Variants in IFT172 observed in about 807,000 individuals in gnomAD.
IFT172 encodes the protein intraflagellar transport 172.
Under a neutral mutation model 248.9 loss-of-function variants are expected in IFT172, and 164 were observed. The observed-to-expected ratio is 0.66, with a 90% confidence interval of 0.58 to 0.75. The LOEUF is 0.75. Ranked by LOEUF, IFT172 falls within the 30% of genes least tolerant of loss-of-function variation. The pLI, the probability that IFT172 is intolerant of heterozygous loss-of-function variation, is 0.00. For synonymous variants in IFT172, 729 were observed against 791.6 expected, an observed-to-expected ratio of 0.92 and a Z score of 1.33; for missense variants, 1,950 against 2,192.4, an observed-to-expected ratio of 0.89 and a Z score of 2.21.
intron 14 of IFT172, among the ~76,000 whole-genome samples, chr2:27,475,789 TA>T (rs1207873991): frequency 9.7e-5 from 14 of 143,608 alleles, no homozygotes; most frequent in South Asian, 8.7e-4. Context: ...TTTTTTTTTT[TA>T]AATTTAATTA....
At chr2:27,462,985 G>T in intron 19 of IFT172, 112 bp downstream of exon 19, 1 of 1,271,604 alleles carries the variant, frequency 7.9e-7, no homozygotes, top group Non-Finnish European at 1.1e-6. Flanking sequence ...AAGGTGGGGT[G>T]GGCAGGGTAA....
chr2:27,485,571 C>A, intron 1 of IFT172, 68 bp from the exon 2 acceptor site: 1 of 1,568,020 alleles, frequency 6.4e-7, no homozygotes. Context: ...TTTCTAGCTT[C>A]ATTAATTCTA....
At chr2:27,462,984 TG>T in intron 19 of IFT172, 112 bp downstream of exon 19, 2 of 1,259,744 alleles carry the variant, frequency 1.6e-6, no homozygotes, top group Non-Finnish European at 2.3e-6. Context: ...AAAGGTGGGG[TG>T]GGCAGGGTAA....
Position 27,456,505 on chromosome 2 carries a change from C to T in IFT172, c.3371+6G>A. 1.9e-6 allele frequency: 3 copies of T among 1,611,240 alleles called. No homozygotes were observed. The highest frequency in any genetic ancestry group is 2.5e-6 in the Non-Finnish European group (3 of 1,178,966). ...GGGCCCGTGGAGAGAAAGCTTGGGG[C>T]CTCACCAATTGTCTGCAGCGTGGTC... On this transcript the variant is annotated splice_donor_region_variant and intron_variant, in intron 30 of 47. Coordinates refer to ENST00000260570, the MANE Select transcript of IFT172 (RefSeq NM_015662.3).
In IFT172 at chr2:27,458,208, T is replaced by C. The variant is rs917476676; in HGVS notation, c.2893A>G (p.Met965Val). ...AGCACTGACACATCTTCTGGTCTCA[T>C]GCATTTCATCGCCAGCTGTGGAGGC... is the stretch of plus-strand genomic sequence containing the variant. ...EQAHKLAMKCMRPEDVSVLYI... is the reference protein window; with the variant it reads ...EQAHKLAMKCVRPEDVSVLYI... The change falls in exon 27 of 48, where the codon ATG becomes GTG. Residue 965 changes from methionine (M) to valine (V), a missense_variant. Met to Val is a conservative substitution (Grantham distance 21). Around this residue, in one of 3 missense-constraint regions of IFT172, gnomAD observed 1,166 missense variants for 1,254.1 expected, o/e 0.93. Transcript: ENST00000260570. The C allele has an allele frequency of 1.2e-6, 2 of 1,614,064 alleles. No individual in the cohort carries two copies. The highest frequency in any genetic ancestry group is 1.3e-5 in the African/African-American group (1 of 74,934).
intron 1 of IFT172, among the ~76,000 whole-genome samples, chr2:27,485,935 G>A (rs573071750): frequency 7.2e-5 from 11 of 152,272 alleles, no homozygotes; most frequent in South Asian, 6.2e-4. Context: ...CTGCCTCCAC[G>A]TCTAATAAGA....
At position 27,445,166 on chromosome 2, in the gene IFT172, G is replaced by A; in HGVS notation, c.5069-61C>T. 3.7e-6 allele frequency: 6 copies of A among 1,604,726 alleles called. No individual in the cohort carries two copies. Among genetic ancestry groups the A allele is most frequent in the Non-Finnish European group, 5.1e-6 (6 of 1,174,144 alleles). ...AGAGAGATTGAGGAGGGAAAAATGA[G>A]GAGCAGCCTGGGGGGTAGAAAGCAC... On this transcript the variant is annotated intron_variant, in intron 46 of 47. Coordinates refer to ENST00000260570, the MANE Select transcript of IFT172 (RefSeq NM_015662.3). This position sits in a 1 kb window ranked among gnomAD's most constrained non-coding sequence, Gnocchi z 4.4.
chr2:27,444,392 T>C lies in IFT172; in HGVS notation c.*40A>G. 7.6e-7 allele frequency: 1 copy of C among 1,309,724 alleles called. No homozygotes were observed. The highest frequency in any genetic ancestry group is 1.1e-6 in the Non-Finnish European group (1 of 915,212). The allele number at this position is 1,309,724 out of a possible 1,614,324, so 81.1% of individuals were successfully genotyped here. A position where few individuals can be genotyped will look rare whatever the true frequency, so the allele number is the denominator to read the frequency against. ...GTGGTCTCAATTATTTATAAAACTT[T>C]AATGAGGGAGAGGCCCTAACTCTTC... On this transcript the variant is annotated 3_prime_UTR_variant, in exon 48 of 48. Transcript: ENST00000260570.
rs776998100 is a variant in IFT172, at chr2:27,453,680, C to T, written c.3771G>A (p.Leu1257=). 2.2e-5 allele frequency: 36 copies of T among 1,612,620 alleles called. No homozygotes were observed. The highest frequency in any genetic ancestry group is 3.0e-5 in the Non-Finnish European group (35 of 1,179,572). The change falls in exon 34 of 48, where the codon CTG becomes CTA. Residue 1257 remains leucine, a synonymous_variant. Transcript: ENST00000260570. ...GCTCATATTCTTCCTGCAGAGCCTC[C>T]AGCTGGCTGGGCACATAGTCCTTGC... ...RICKDYVPSQ[L]EALQEEYERE... is the part of the protein sequence containing the mutation.
Position 27,453,359 on chromosome 2 carries a change from G to T in IFT172, c.3951+25C>A, listed in dbSNP as rs781485902. 5.7e-6 allele frequency: 9 copies of T among 1,570,790 alleles called. No homozygotes were observed. The African/African-American group carries it at 1.2e-4, about 21-fold the overall frequency. ...GAATAGAGGCCTAGGGAGAAGGAGGGCCAGAAAGGGCCTGCTGTCCTCACC... is the reference window on the plus strand; with the variant it reads ...GAATAGAGGCCTAGGGAGAAGGAGGTCCAGAAAGGGCCTGCTGTCCTCACC... On this transcript the variant is annotated intron_variant, in intron 35 of 47. Transcript: ENST00000260570.
At chr2:27,446,979 G>A (rs998118580) in intron 42 of IFT172, among the ~76,000 whole-genome samples, 8 of 152,152 alleles carry the variant, frequency 5.3e-5, no homozygotes, top group Admixed American at 2.0e-4. Flanking sequence ...GATTACAGGC[G>A]TGAGCCACCG....
chr2:27,448,005 A>T, intron 40 of IFT172, 83 bp from the exon 41 acceptor site: 1 of 844,238 alleles, frequency 1.2e-6, no homozygotes, highest in Non-Finnish European at 2.1e-6. Flanking sequence ...AGGGAGGAGA[A>T]ACAGGCTTTG....
chr2:27,473,231 G>T (rs971896121), intron 14 of IFT172, among the ~76,000 whole-genome samples: 2 of 150,732 alleles, frequency 1.3e-5, no homozygotes, highest in South Asian at 2.1e-4. Flanking sequence ...TTAGCTGGGC[G>T]TGGTGGCTGG....
chr2:27,451,285 T>G (rs917365326), intron 35 of IFT172, among the ~76,000 whole-genome samples: 2 of 152,196 alleles, frequency 1.3e-5, no homozygotes, highest in Admixed American at 1.3e-4. Flanking sequence ...TAATCTGCCC[T>G]GTCTGCATCA....
intron 9 of IFT172, 133 bp from the exon 10 acceptor site, chr2:27,479,737 T>C: frequency 1.4e-6 from 1 of 729,232 alleles, no homozygotes; most frequent in Non-Finnish European, 2.3e-6. Flanking sequence ...TGGCAGTTTT[T>C]GGAATTACCA....
At chr2:27,484,989 C>T (rs937829758) in intron 3 of IFT172, 29 bp downstream of exon 3, 1 of 1,252,074 alleles carries the variant, frequency 8.0e-7, no homozygotes, top group South Asian at 1.2e-5. Context: ...CTTTCCTGGG[C>T]CATCCCATCT....
In IFT172 at chr2:27,471,056, T is replaced by A. The variant is rs1437298206; in HGVS notation, c.1564A>T (p.Ile522Phe). 1 of 1,612,100 alleles carries A rather than the reference T, an allele frequency of 6.2e-7. No homozygotes were observed. The highest frequency in any genetic ancestry group is 1.1e-5 in the South Asian group (1 of 90,574). Reference sequence around the variant, plus strand: ...TGCATATAGGAGCAGAAGTTGAGGATCATTGTCTTAGAGCAGCTTTCAATA... The same window carrying A: ...TGCATATAGGAGCAGAAGTTGAGGAACATTGTCTTAGAGCAGCTTTCAATA... ...YDIESCSKTMILNFCSYMQWV... is the reference protein window; with the variant it reads ...YDIESCSKTMFLNFCSYMQWV... Residue 522 changes from isoleucine (I) to phenylalanine (F), a missense_variant, in exon 16 of 48, where the codon ATC becomes TTC. By Grantham distance (21) the Ile-to-Phe change is conservative. This residue lies in a region of IFT172 where 1,166 missense variants were observed against 1,254.1 expected (regional missense o/e 0.93). Coordinates refer to ENST00000260570, the MANE Select transcript of IFT172 (RefSeq NM_015662.3).
intron 30 of IFT172, 56 bp downstream of exon 30, chr2:27,456,455 C>T: frequency 6.4e-7 from 1 of 1,564,248 alleles, no homozygotes; most frequent in South Asian, 1.2e-5. Context: ...TTTTCTTTCT[C>T]TAGATAGTGG....
In IFT172 at chr2:27,471,041, A is replaced by G. The variant is rs771614435; in HGVS notation, c.1579T>C (p.Ser527Pro). The G allele has an allele frequency of 3.7e-6, 6 of 1,613,010 alleles. No individual in the cohort carries two copies. The highest frequency in any genetic ancestry group is 5.1e-6 in the Non-Finnish European group (6 of 1,179,758). ...CSKTMILNFC[S>P]YMQWVPGSDV... ...CTTCCTGGGACCCACTGCATATAGGAGCAGAAGTTGAGGATCATTGTCTTA... is the reference window on the plus strand; with the variant it reads ...CTTCCTGGGACCCACTGCATATAGGGGCAGAAGTTGAGGATCATTGTCTTA... Residue 527 changes from serine to proline, a missense_variant, in exon 16 of 48, where the codon TCC becomes CCC. Ser to Pro is a moderately conservative substitution (Grantham distance 74). Coordinates refer to ENST00000260570, the MANE Select transcript of IFT172 (RefSeq NM_015662.3).
Sources: allele counts gnomAD v4.1 joint callset (sites outside exome capture counted in the v4.1 genomes callset), GRCh38; gene constraint gnomAD v4.1.1; regional missense constraint gnomAD v4.1.1; non-coding constraint Gnocchi (gnomAD v3.1); transcripts MANE v1.5; gene names NCBI Gene and HGNC (gene_info 2026-07-23, HGNC 2026-07-21).